The following COL12A1 variants were observed in gnomAD, a reference collection of about 807,000 sequenced individuals.
COL12A1 encodes the protein collagen type XII alpha 1 chain.
A neutral mutation model predicts 349.7 loss-of-function variants in COL12A1; 114 were observed. The observed-to-expected ratio is 0.33, with a 90% CI of 0.28 to 0.38. The LOEUF (loss-of-function observed/expected upper bound fraction) is 0.38. Ranked by LOEUF, COL12A1 falls within the 10% of genes least tolerant of loss-of-function variation. The pLI is 1.00. For synonymous variants in COL12A1, 1,369 were observed against 1,329.0 expected (o/e 1.03, Z -0.66); for missense variants, 3,284 against 3,756.9 (o/e 0.87, Z 3.29).
chr6:75,102,773 A>G, intron 55 of COL12A1, 81 bp from the exon 56 acceptor site: 1 of 765,142 alleles, frequency 1.3e-6, no homozygotes, highest in Non-Finnish European at 1.9e-6. Flanking sequence ...ACTTGTCATC[A>G]TAACTCTAAG....
chr6:75,194,344 C>T (rs1219654603), intron 3 of COL12A1, among the ~76,000 whole-genome samples: 3 of 152,114 alleles, frequency 2.0e-5, no homozygotes, highest in Non-Finnish European at 4.4e-5. Context: ...AGCCTAGTGT[C>T]GATGGAATCC....
At position 75,089,191 on chromosome 6, in the gene COL12A1, A is replaced by G; in HGVS notation, c.8942-17T>C. 1 of 1,585,640 alleles carries G rather than the reference A, an allele frequency of 6.3e-7. No individual in the cohort carries two copies. The highest frequency in any genetic ancestry group is 8.6e-7 in the Non-Finnish European group (1 of 1,167,248). On this transcript the variant is annotated splice_polypyrimidine_tract_variant and intron_variant, in intron 63 of 65. Transcript: ENST00000322507. ...CTGGCAAACCTAAGGAGGGAGAAAA[A>G]GAGAAAGCACAGGGGAAAAATTATC...
chr6:75,182,560 A>C (rs1237471034), intron 10 of COL12A1, among the ~76,000 whole-genome samples: 1 of 152,210 alleles, frequency 6.6e-6, no homozygotes, highest in Non-Finnish European at 1.5e-5. Context: ...GGGACTTTTA[A>C]CTACACATTG....
intron 11 of COL12A1, 144 bp downstream of exon 11, chr6:75,180,795 G>A (rs1769227435): frequency 3.1e-6 from 3 of 976,916 alleles, no homozygotes; most frequent in Non-Finnish European, 4.3e-6. Flanking sequence ...AAAGATTTAT[G>A]AAAAGCTGTC....
At chr6:75,103,644 C>A in intron 55 of COL12A1, 113 bp downstream of exon 55, 1 of 757,416 alleles carries the variant, frequency 1.3e-6, no homozygotes, top group Admixed American at 2.2e-5. Context: ...TTACCTGAGG[C>A]ACACTGAACC....
At chr6:75,188,183 G>A (rs1483464519) in intron 8 of COL12A1, among the ~76,000 whole-genome samples, 179 bp downstream of exon 8, 2 of 151,742 alleles carry the variant, frequency 1.3e-5, no homozygotes, top group Admixed American at 6.6e-5. Flanking sequence ...TCCACTAGAA[G>A]GAAAAACAAT....
intron 30 of COL12A1, 134 bp from the exon 31 acceptor site, chr6:75,137,713 T>TAATAAATCAATAA: frequency 1.0e-6 from 1 of 953,902 alleles, no homozygotes; most frequent in East Asian, 2.7e-5. Context: ...TTAATAAAAA[T>TAATAAATCAATAA]GGTTATTGAT....
At chr6:75,192,382 A>C in intron 3 of COL12A1, 27 bp from the exon 4 acceptor site, 7 of 1,595,780 alleles carry the variant, frequency 4.4e-6, no homozygotes, top group African/African-American at 1.3e-5. Context: ...GAAAAATATG[A>C]ATGCAACAAA....
intron 22 of COL12A1, 49 bp from the exon 23 acceptor site, chr6:75,147,853 C>T (rs530560443): frequency 2.5e-6 from 4 of 1,584,572 alleles, no homozygotes; most frequent in African/African-American, 1.4e-5. Flanking sequence ...AATCAGTTCC[C>T]TTTTTCCTAC....
At position 75,130,187 on chromosome 6, in the gene COL12A1, G is replaced by T. The variant is rs1248355913; in HGVS notation, c.6114C>A (p.Thr2038=). ...PRNLRVFGET[T]NSLSVAWDHA... is the part of the protein sequence containing the mutation. ...GATCCCAGGCTACCGAGAGGCTATT[G>T]GTTGTTTCACCAAAGACTCTCAGGT... Residue 2038 remains threonine, a synonymous_variant, in exon 37 of 66, where the codon ACC becomes ACA. Coordinates refer to ENST00000322507, the MANE Select transcript of COL12A1 (RefSeq NM_004370.6). The T allele has an allele frequency of 6.2e-7, 1 of 1,613,882 alleles. No individual in the cohort carries two copies. Among genetic ancestry groups the T allele is most frequent in the Non-Finnish European group, 8.5e-7 (1 of 1,179,968 alleles).
intron 50 of COL12A1, 61 bp downstream of exon 50, chr6:75,113,541 A>G (rs1436854111): frequency 6.7e-7 from 1 of 1,502,074 alleles, no homozygotes. Context: ...GTTTTTTAAA[A>G]GAGAAAAGAA....
At position 75,125,152 on chromosome 6, in the gene COL12A1, G is replaced by C; in HGVS notation, c.6582C>G (p.Val2194=). The change falls in exon 40 of 66, where the codon GTC becomes GTG. Residue 2194 remains valine, a synonymous_variant. Transcript: ENST00000322507. ...VYAQYDSGLS[V]PLTDQGTTLY... The stretch of plus-strand genomic sequence containing the variant: ...ATGTAGTGCCTTGATCTGTCAAGGG[G>C]ACACTGAGTCCAGAATCATATTGAG... 6.2e-7 allele frequency: 1 copy of C among 1,611,300 alleles called. No individual in the cohort carries two copies. The highest frequency in any genetic ancestry group is 2.2e-5 in the East Asian group (1 of 44,748).
In COL12A1 at chr6:75,175,111, G is replaced by A. The variant is rs191863996; in HGVS notation, c.2637C>T (p.Tyr879=). The change falls in exon 13 of 66, where the codon TAC becomes TAT. Residue 879 remains tyrosine, a synonymous_variant. Transcript: ENST00000322507. The part of the protein sequence containing the change: ...VLQGLKEGTQ[Y]ALSVTALYAS... ...CATACAAGGCTGTCACAGATAAGGC[G>A]TATTGTGTCCCTTCCTTCAATCCCT... 6.7e-5 allele frequency: 108 copies of A among 1,614,138 alleles called. No homozygotes were observed. The highest frequency in any genetic ancestry group is 1.1e-4 in the East Asian group (5 of 44,874).
rs773855825 is a variant in COL12A1, at chr6:75,109,142, C to G, written c.7976G>C (p.Ser2659Thr). 1.6e-5 allele frequency: 26 copies of G among 1,596,910 alleles called. No homozygotes were observed. The highest frequency in any genetic ancestry group is 2.0e-5 in the Non-Finnish European group (23 of 1,168,686). The change falls in exon 52 of 66, where the codon AGT becomes ACT. Residue 2659 changes from serine (S) to threonine (T), a missense_variant. Transcript: ENST00000322507. ...ATAGCAGTCAATGTAAATCTTAACACTTTTTGAGGTCACTACAATATGAAC... is the reference window on the plus strand; with the variant it reads ...ATAGCAGTCAATGTAAATCTTAACAGTTTTTGAGGTCACTACAATATGAAC... Reference protein sequence around the residue: ...HKVHIVVTSKSVKIYIDCYEI... With the variant: ...HKVHIVVTSKTVKIYIDCYEI...
intron 16 of COL12A1, among the ~76,000 whole-genome samples, 182 bp from the exon 17 acceptor site, chr6:75,154,719 TG>T (rs1241738738): frequency 3.3e-5 from 5 of 152,192 alleles, no homozygotes; most frequent in Non-Finnish European, 5.9e-5. Context: ...ACGCTTACCC[TG>T]TGAGGTGTCA....
At chr6:75,145,507 A>G (rs1331875795) in intron 24 of COL12A1, 52 bp from the exon 25 acceptor site, 4 of 1,580,024 alleles carry the variant, frequency 2.5e-6, no homozygotes, top group Non-Finnish European at 3.5e-6. Context: ...AAACTTTTCC[A>G]TTTACCTTTG....
chr6:75,111,470 AT>A (rs1768837352), intron 51 of COL12A1, among the ~76,000 whole-genome samples: 1 of 151,936 alleles, frequency 6.6e-6, no homozygotes, highest in African/African-American at 2.4e-5. Context: ...TTTAGATAAA[AT>A]GAAGCATTCC....
At chr6:75,182,318 G>A (rs1049275105) in intron 10 of COL12A1, among the ~76,000 whole-genome samples, 10 of 151,894 alleles carry the variant, frequency 6.6e-5, no homozygotes, top group East Asian at 1.9e-4. Flanking sequence ...CCATCAACTC[G>A]TCATCTACAT....
At chr6:75,091,246 C>T (rs948553114) in intron 62 of COL12A1, 77 bp downstream of exon 62, 1 of 1,229,946 alleles carries the variant, frequency 8.1e-7, no homozygotes. Context: ...CTCTTAGAAA[C>T]TTCATGACTC....
Sources: allele counts gnomAD v4.1 joint callset (sites outside exome capture counted in the v4.1 genomes callset), GRCh38; gene constraint gnomAD v4.1.1; transcripts MANE v1.5; gene names NCBI Gene and HGNC (gene_info 2026-07-23, HGNC 2026-07-21).